Variants in SLC35F4 observed in about 807,000 individuals in gnomAD.
SLC35F4 encodes the protein chromosome 14 open reading frame 36.
SLC35F4 carries 24 observed loss-of-function variants against 44.2 expected under a neutral mutation model. The ratio of observed to expected loss-of-function variants is 0.54; its 90% CI spans 0.39 to 0.76. SLC35F4 has a LOEUF of 0.76. SLC35F4 is among the 30% of genes least tolerant of loss of function. SLC35F4 has a pLI of 0.00. For synonymous variants in SLC35F4, 238 were observed against 223.6 expected (o/e 1.06, Z -0.57); for missense variants, 562 against 586.1 (o/e 0.96, Z 0.42).
chr14:57,720,624 T>C (rs1364388767), intron 1 of SLC35F4, among the ~76,000 whole-genome samples: 1 of 152,096 alleles, frequency 6.6e-6, no homozygotes, highest in Non-Finnish European at 1.5e-5. Flanking sequence ...GAGTGTCAGC[T>C]TGATTGGATT....
intron 1 of SLC35F4, among the ~76,000 whole-genome samples, chr14:57,879,349 G>C (rs944955002): frequency 6.6e-6 from 1 of 151,836 alleles, no homozygotes; most frequent in African/African-American, 2.4e-5. Flanking sequence ...CCTTACCCTC[G>C]AGCTGAACAA....
At chr14:57,898,468 T>C (rs1426550669) in intron 1 of SLC35F4, among the ~76,000 whole-genome samples, 1 of 152,170 alleles carries the variant, frequency 6.6e-6, no homozygotes, top group African/African-American at 2.4e-5. Context: ...ACCAGGAGGG[T>C]ATGTGGGTGC....
At chr14:57,924,058 C>A (rs1360094205) in intron 1 of SLC35F4, among the ~76,000 whole-genome samples, 1 of 152,214 alleles carries the variant, frequency 6.6e-6, no homozygotes, top group African/African-American at 2.4e-5. Flanking sequence ...TACAGGCTCT[C>A]TCTTTGCCTG....
chr14:57,752,560 A>C (rs2076910139), intron 1 of SLC35F4, among the ~76,000 whole-genome samples: 1 of 151,350 alleles, frequency 6.6e-6, no homozygotes, highest in African/African-American at 2.4e-5. Flanking sequence ...TCCTGGGTTC[A>C]AGCTGTTCTT....
chr14:57,605,028 C>A (rs2071066820), intron 1 of SLC35F4, among the ~76,000 whole-genome samples: 1 of 152,076 alleles, frequency 6.6e-6, no homozygotes, highest in Non-Finnish European at 1.5e-5. Flanking sequence ...AGGAAATACC[C>A]TTCTCAATAT....
intron 1 of SLC35F4, among the ~76,000 whole-genome samples, chr14:57,961,222 C>T (rs925070827): frequency 2.6e-5 from 4 of 152,188 alleles, no homozygotes; most frequent in African/African-American, 7.2e-5. Flanking sequence ...AAAATCTGCA[C>T]TGGGACCAAA....
chr14:57,982,240 A>G (rs1247836776), upstream of SLC35F4: 1 of 152,212 alleles, frequency 6.6e-6, no homozygotes, highest in Non-Finnish European at 1.5e-5. Context: ...GTCGGAAGCC[A>G]GGGCAACAGA....
At chr14:57,938,530 T>A (rs145990335) in intron 1 of SLC35F4, among the ~76,000 whole-genome samples, 5 of 152,322 alleles carry the variant, frequency 3.3e-5, no homozygotes, top group Non-Finnish European at 7.3e-5. Context: ...ATTAATGTCA[T>A]TAAATATCAC....
At chr14:57,709,265 G>A (rs1196067057) in intron 1 of SLC35F4, among the ~76,000 whole-genome samples, 1 of 152,082 alleles carries the variant, frequency 6.6e-6, no homozygotes, top group Non-Finnish European at 1.5e-5. Flanking sequence ...GGCAATGGGT[G>A]TCTTCCCAGA....
chr14:57,865,420 A>G (rs965120026), intron 1 of SLC35F4, among the ~76,000 whole-genome samples: 42 of 152,158 alleles, frequency 2.8e-4, no homozygotes, highest in Admixed American at 2.7e-3. Context: ...CACCAGGGTG[A>G]GCCGGCCAAC....
intron 1 of SLC35F4, among the ~76,000 whole-genome samples, chr14:57,874,961 G>A (rs1352747869): frequency 2.3e-5 from 3 of 132,936 alleles, no homozygotes; most frequent in African/African-American, 1.1e-4. Context: ...TCTTTTGGAA[G>A]AGGCAGTGGA....
chr14:57,665,683 T>A (rs2074283934), intron 1 of SLC35F4, among the ~76,000 whole-genome samples: 1 of 152,216 alleles, frequency 6.6e-6, no homozygotes, highest in Non-Finnish European at 1.5e-5. Flanking sequence ...TGCAGATATA[T>A]GTTCATTGCA....
chr14:57,643,143 T>A (rs2073326760), intron 1 of SLC35F4, among the ~76,000 whole-genome samples: 1 of 151,792 alleles, frequency 6.6e-6, no homozygotes, highest in Non-Finnish European at 1.5e-5. Flanking sequence ...TTCAACCACC[T>A]TCAGAAAAAA....
chr14:57,648,793 ACTCT>A (rs1249138128), intron 1 of SLC35F4, among the ~76,000 whole-genome samples: 3 of 152,134 alleles, frequency 2.0e-5, no homozygotes, highest in Non-Finnish European at 4.4e-5. Flanking sequence ...TTGTAGAATC[ACTCT>A]CTCTCACATT....
chr14:57,757,907 A>G (rs934124612), intron 1 of SLC35F4, among the ~76,000 whole-genome samples: 4 of 151,608 alleles, frequency 2.6e-5, no homozygotes, highest in Non-Finnish European at 5.9e-5. Flanking sequence ...GTGGTTCTTC[A>G]GTTGACAAAT....
chr14:57,815,322 C>A (rs769895017), intron 1 of SLC35F4, among the ~76,000 whole-genome samples: 1 of 152,120 alleles, frequency 6.6e-6, no homozygotes, highest in Non-Finnish European at 1.5e-5. Context: ...CTTGAATTGT[C>A]GACATGATGC....
At chr14:57,599,590 C>A (rs953851812) in intron 1 of SLC35F4, among the ~76,000 whole-genome samples, 1 of 151,954 alleles carries the variant, frequency 6.6e-6, no homozygotes, top group Admixed American at 6.6e-5. Flanking sequence ...GACTGTAATC[C>A]CAGCACTTTG....
chr14:57,889,986 T>A (rs1358815678), intron 1 of SLC35F4, among the ~76,000 whole-genome samples: 1 of 152,224 alleles, frequency 6.6e-6, no homozygotes, highest in Non-Finnish European at 1.5e-5. Flanking sequence ...GCTGATCATT[T>A]GTATTACTGT....
At chr14:57,671,144 C>T (rs931589212) in intron 1 of SLC35F4, among the ~76,000 whole-genome samples, 3 of 151,984 alleles carry the variant, frequency 2.0e-5, no homozygotes, top group Non-Finnish European at 4.4e-5. Flanking sequence ...CCTCAACTCA[C>T]CCATTCTTTC....
Sources: gnomAD v4.1 joint callset for allele counts (sites outside exome capture counted in the v4.1 genomes callset) on GRCh38, gnomAD v4.1.1 for gene constraint, MANE v1.5 for transcripts, NCBI Gene and HGNC (gene_info 2026-07-23, HGNC 2026-07-21) for gene names.